CCDC178: variants seen among roughly 807,000 people sequenced by gnomAD.
CCDC178 encodes the protein coiled-coil domain containing 178.
In CCDC178, 126 loss-of-function variants were observed where a neutral mutation model predicts 117.4. That is an observed-to-expected ratio of 1.07 (90% CI 0.93 to 1.24). The LOEUF is 1.24. Ranked by LOEUF, CCDC178 falls within the 50% of genes most tolerant of loss-of-function variation. The pLI is 0.00. For synonymous variants in CCDC178, 283 were observed against 313.4 expected (o/e 0.90, Z 1.02); for missense variants, 1,030 against 986.9 (o/e 1.04, Z -0.59).
At chr18:33,088,096 A>G (rs908052556) in intron 21 of CCDC178, among the ~76,000 whole-genome samples, 2 of 152,106 alleles carry the variant, frequency 1.3e-5, no homozygotes, top group African/African-American at 2.4e-5. Context: ...CTGATTCTAC[A>G]TTATAGTCTA....
intron 10 of CCDC178, among the ~76,000 whole-genome samples, chr18:33,331,578 A>C (rs1382926903): frequency 6.6e-6 from 1 of 152,150 alleles, no homozygotes; most frequent in Non-Finnish European, 1.5e-5. Flanking sequence ...GAGATTTCCT[A>C]GAATTTGCAG....
chr18:32,981,478 C>T (rs1160416915), intron 21 of CCDC178, among the ~76,000 whole-genome samples: 1 of 152,116 alleles, frequency 6.6e-6, no homozygotes. Context: ...TTATTAGAAA[C>T]TTGTTTACTT....
chr18:33,283,632 A>G (rs1221135715), intron 12 of CCDC178, among the ~76,000 whole-genome samples: 5 of 152,220 alleles, frequency 3.3e-5, no homozygotes, highest in African/African-American at 1.2e-4. Context: ...AAAAGCTTAC[A>G]TGTGTCTAAG....
chr18:33,415,279 T>G (rs11081806), intron 2 of CCDC178, among the ~76,000 whole-genome samples: 2 of 151,888 alleles, frequency 1.3e-5, no homozygotes, highest in Non-Finnish European at 1.5e-5. Context: ...CTATTCACAA[T>G]AGCAAAGACT....
At chr18:33,076,101 TTC>T (rs1264584018) in intron 21 of CCDC178, among the ~76,000 whole-genome samples, 1 of 152,250 alleles carries the variant, frequency 6.6e-6, no homozygotes, top group Non-Finnish European at 1.5e-5. Context: ...TACTTCTTTA[TTC>T]TTGAAATTTA....
chr18:33,092,046 A>G (rs1189275165), intron 21 of CCDC178, among the ~76,000 whole-genome samples: 1 of 152,152 alleles, frequency 6.6e-6, no homozygotes, highest in South Asian at 2.1e-4. Context: ...GAAAGGATCA[A>G]TTTGGTTTTC....
At chr18:33,075,026 G>A (rs2057179435) in intron 21 of CCDC178, among the ~76,000 whole-genome samples, 1 of 152,136 alleles carries the variant, frequency 6.6e-6, no homozygotes, top group Non-Finnish European at 1.5e-5. Context: ...AGGTGAAAGA[G>A]GATGGAATCC....
intron 11 of CCDC178, among the ~76,000 whole-genome samples, chr18:33,297,820 C>T (rs1029553546): frequency 6.6e-6 from 1 of 151,958 alleles, no homozygotes; most frequent in African/African-American, 2.4e-5. Context: ...AACAGGTGGA[C>T]CATGAAGTCA....
chr18:33,379,151 A>ATATATATATTTCCATATATATAT lies in CCDC178; in HGVS notation c.209-8963_209-8962insATATATATATGGAAATATATATA, dbSNP rs1568187791. ...ATATATATATTTCCATATATATATA[A>ATATATATATTTCCATATATATAT]TATATATATTTCCATATATATAATA... On this transcript the variant is annotated intron_variant, in intron 5 of 22. Coordinates refer to ENST00000383096, the MANE Select transcript of CCDC178 (RefSeq NM_001105528.4). Among the ~76,000 whole-genome samples, 192 of 104,948 alleles carry ATATATATATTTCCATATATATAT rather than the reference A, an allele frequency of 1.8e-3. 1 individual carries two copies. The highest frequency in any genetic ancestry group is 6.7e-3 in the African/African-American group (186 of 27,562). 68.8% of individuals were successfully genotyped at this position (104,948 alleles called of 152,430 possible).
chr18:32,993,184 G>A (rs1290312528), intron 21 of CCDC178, among the ~76,000 whole-genome samples: 8 of 152,030 alleles, frequency 5.3e-5, no homozygotes. Flanking sequence ...AAAAATTAAG[G>A]ATTTTGTTCT....
intron 20 of CCDC178, among the ~76,000 whole-genome samples, chr18:33,179,059 T>TAAAAAAAAAAA (rs757037955): frequency 1.4e-4 from 2 of 14,772 alleles, no homozygotes; most frequent in African/African-American, 8.4e-4. Flanking sequence ...AAGCACTCAG[T>TAAAAAAAAAAA]AAAAAAAAAA....
chr18:33,359,929 T>G (rs1048890456), intron 6 of CCDC178, among the ~76,000 whole-genome samples: 2 of 151,442 alleles, frequency 1.3e-5, no homozygotes, highest in African/African-American at 4.8e-5. Context: ...TATTTAAGTC[T>G]ATATTTTTAT....
chr18:33,182,108 T>C (rs2058738846), intron 20 of CCDC178, among the ~76,000 whole-genome samples: 1 of 151,912 alleles, frequency 6.6e-6, no homozygotes, highest in South Asian at 2.1e-4. Flanking sequence ...TTTTAAAAAA[T>C]GTTTATAACT....
chr18:33,060,527 T>C (rs555880323), intron 21 of CCDC178, among the ~76,000 whole-genome samples: 61 of 151,618 alleles, frequency 4.0e-4, no homozygotes, highest in Middle Eastern at 3.4e-3. Flanking sequence ...AATTTGTACT[T>C]TTTAAAATTA....
At chr18:33,204,624 T>A (rs909386894) in intron 20 of CCDC178, among the ~76,000 whole-genome samples, 1 of 152,110 alleles carries the variant, frequency 6.6e-6, no homozygotes, top group African/African-American at 2.4e-5. Context: ...TGTTCATGAG[T>A]AAAGACAACT....
At chr18:33,210,216 G>A (rs1473066538) in intron 20 of CCDC178, among the ~76,000 whole-genome samples, 1 of 151,976 alleles carries the variant, frequency 6.6e-6, no homozygotes, top group African/African-American at 2.4e-5. Flanking sequence ...CCTCCCCTTA[G>A]AGAAGAAATT....
rs1347036199 is a variant in CCDC178, at chr18:33,012,143, T to A, written c.2389-37462A>T. Among the ~76,000 whole-genome samples the A allele has an allele frequency of 2.0e-5, 3 of 152,218 alleles. No individual in the cohort carries two copies. The East Asian group carries it at 5.8e-4, about 29-fold the overall frequency. ...ATTTAGTTTCTTTCATTAGATAAAGTCACATAGCTACAATTTAAGATAGTG... is the reference window on the plus strand; with the variant it reads ...ATTTAGTTTCTTTCATTAGATAAAGACACATAGCTACAATTTAAGATAGTG... On this transcript the variant is annotated intron_variant, in intron 21 of 22. Coordinates refer to ENST00000383096, the MANE Select transcript of CCDC178 (RefSeq NM_001105528.4).
At chr18:33,391,604 T>C (rs1046216330) in intron 4 of CCDC178, among the ~76,000 whole-genome samples, 1 of 152,134 alleles carries the variant, frequency 6.6e-6, no homozygotes, top group African/African-American at 2.4e-5. Context: ...AGTTAGAAAT[T>C]TGTCACATAA....
chr18:33,341,539 A>G (rs2062817071), intron 9 of CCDC178, among the ~76,000 whole-genome samples: 2 of 152,318 alleles, frequency 1.3e-5, no homozygotes, highest in African/African-American at 2.4e-5. Flanking sequence ...TGTAACTCCC[A>G]GAATTCTGAC....
Sources: gnomAD v4.1 joint callset for allele counts (sites outside exome capture counted in the v4.1 genomes callset) on GRCh38, gnomAD v4.1.1 for gene constraint, MANE v1.5 for transcripts, NCBI Gene and HGNC (gene_info 2026-07-23, HGNC 2026-07-21) for gene names.